PRIM2: variants seen among roughly 807,000 people sequenced by gnomAD.
PRIM2 encodes DNA primase large subunit.
In PRIM2, 39 loss-of-function variants were observed where a neutral mutation model predicts 67.3. The observed-to-expected ratio is 0.58, with a 90% CI of 0.45 to 0.76. The LOEUF (loss-of-function observed/expected upper bound fraction) is 0.76. Among genes scored for constraint, PRIM2 ranks in the 30% least tolerant of loss-of-function variants. The pLI, the probability that PRIM2 is intolerant of heterozygous loss-of-function variation, is 0.00. For missense variants in PRIM2, 398 were observed against 598.7 expected, an observed-to-expected ratio of 0.66 and a Z score of 3.50; for synonymous variants, 143 against 198.7, an observed-to-expected ratio of 0.72 and a Z score of 2.36.
intron 7 of PRIM2, among the ~76,000 whole-genome samples, chr6:57,491,900 C>T (rs1773901053): frequency 6.6e-6 from 1 of 152,138 alleles, no homozygotes; most frequent in East Asian, 1.9e-4. Flanking sequence ...GATGCCAATT[C>T]CTGGCAGCTC....
intron 5 of PRIM2, among the ~76,000 whole-genome samples, chr6:57,331,608 T>G (rs1304211849): frequency 1.3e-5 from 2 of 152,112 alleles, no homozygotes; most frequent in Non-Finnish European, 2.9e-5. Context: ...TTATATTACT[T>G]TTTGAGTCAG....
chr6:57,482,158 ATTTT>A (rs1178449432), intron 7 of PRIM2, among the ~76,000 whole-genome samples: 1 of 145,840 alleles, frequency 6.9e-6, no homozygotes. Context: ...AATAATTTGG[ATTTT>A]TTTTTTTTTT....
the PRIM2 span, among the ~76,000 whole-genome samples, chr6:57,280,757 T>C: frequency 1.4e-4 from 21 of 152,208 alleles, no homozygotes; most frequent in Admixed American, 6.5e-4. Flanking sequence ...TCTGCCTGCC[T>C]CGGCCTCCCA....
At chr6:57,492,359 A>G (rs1436178731) in intron 7 of PRIM2, among the ~76,000 whole-genome samples, 1 of 152,070 alleles carries the variant, frequency 6.6e-6, no homozygotes, top group Non-Finnish European at 1.5e-5. Context: ...CCTGGCCAAC[A>G]TGGTGAAACC....
chr6:57,440,969 T>C (rs992089654), intron 7 of PRIM2, among the ~76,000 whole-genome samples: 1 of 152,166 alleles, frequency 6.6e-6, no homozygotes, highest in Non-Finnish European at 1.5e-5. Context: ...GATCCTCTCA[T>C]TGAACCATCA....
At chr6:57,555,104 AAT>A (rs1775484924) in intron 10 of PRIM2, among the ~76,000 whole-genome samples, 1 of 152,242 alleles carries the variant, frequency 6.6e-6, no homozygotes, top group Non-Finnish European at 1.5e-5. Context: ...ACTAAAAAAT[AAT>A]GTTATTTCTC....
At chr6:57,550,786 G>A (rs1346054257) in intron 10 of PRIM2, among the ~76,000 whole-genome samples, 8 of 152,142 alleles carry the variant, frequency 5.3e-5, no homozygotes, top group Non-Finnish European at 1.0e-4. Flanking sequence ...AATAAAATAT[G>A]TATCTTCTTA....
At chr6:57,507,099 C>CT (rs1224470892) in intron 7 of PRIM2, among the ~76,000 whole-genome samples, 1 of 151,918 alleles carries the variant, frequency 6.6e-6, no homozygotes, top group East Asian at 1.9e-4. Flanking sequence ...TAAGTGAATG[C>CT]TTTTTCATGA....
intron 5 of PRIM2, among the ~76,000 whole-genome samples, chr6:57,329,751 A>T (rs895006958): frequency 1.3e-5 from 2 of 152,138 alleles, no homozygotes; most frequent in African/African-American, 4.8e-5. Context: ...TTTCCTTTAT[A>T]AATTACCCAG....
At chr6:57,511,931 G>C (rs1217086721) in intron 8 of PRIM2, among the ~76,000 whole-genome samples, 1 of 152,214 alleles carries the variant, frequency 6.6e-6, no homozygotes, top group African/African-American at 2.4e-5. Context: ...CACTGTGCAG[G>C]TCTTGGTTAA....
intron 2 of PRIM2, among the ~76,000 whole-genome samples, chr6:57,319,796 T>C (rs1447394550): frequency 6.6e-6 from 1 of 151,744 alleles, no homozygotes; most frequent in Non-Finnish European, 1.5e-5. Flanking sequence ...GGACGAAGAG[T>C]AGGAATGAGG....
At chr6:57,629,856 A>T (rs1168130217) in intron 12 of PRIM2, among the ~76,000 whole-genome samples, 3 of 152,072 alleles carry the variant, frequency 2.0e-5, no homozygotes, top group East Asian at 3.8e-4. Context: ...TATCTCTGTA[A>T]TATAGATCAT....
chr6:57,233,464 G>A, the PRIM2 span, among the ~76,000 whole-genome samples: 1 of 152,086 alleles, frequency 6.6e-6, no homozygotes, highest in Non-Finnish European at 1.5e-5. Flanking sequence ...ACTTGCACTG[G>A]TAAAACTTCA....
the PRIM2 span, among the ~76,000 whole-genome samples, chr6:57,227,800 T>A: frequency 6.6e-6 from 1 of 152,202 alleles, no homozygotes; most frequent in African/African-American, 2.4e-5. Context: ...TCCAATTCTC[T>A]TAATGGGCAG....
chr6:57,230,722 A>G, the PRIM2 span, among the ~76,000 whole-genome samples: 15 of 152,338 alleles, frequency 9.8e-5, no homozygotes, highest in African/African-American at 3.4e-4. Context: ...TGGAAAACTT[A>G]GGCAAAGACC....
the PRIM2 span, among the ~76,000 whole-genome samples, chr6:57,280,718 C>T: frequency 4.6e-5 from 7 of 152,062 alleles, no homozygotes; most frequent in South Asian, 2.1e-4. Flanking sequence ...CCATATTGGT[C>T]GGCTGGTCTC....
intron 12 of PRIM2, among the ~76,000 whole-genome samples, chr6:57,624,925 C>G (rs1217514963): frequency 6.6e-6 from 1 of 152,114 alleles, no homozygotes; most frequent in Admixed American, 6.6e-5. Context: ...GTGAGAGGCA[C>G]GTCTTACATA....
At chr6:57,327,405 CAT>C (rs1280596276) in intron 5 of PRIM2, among the ~76,000 whole-genome samples, 1 of 152,172 alleles carries the variant, frequency 6.6e-6, no homozygotes, top group African/African-American at 2.4e-5. Context: ...AAGTAGAAGA[CAT>C]ATCCACTGTA....
the PRIM2 span, among the ~76,000 whole-genome samples, chr6:57,277,914 G>T: frequency 4.5e-4 from 68 of 152,088 alleles, no homozygotes; most frequent in African/African-American, 1.6e-3. Context: ...AACCCGGGAG[G>T]TGGAGCTTGC....
Sources: gnomAD v4.1 joint callset for allele counts (sites outside exome capture counted in the v4.1 genomes callset) on GRCh38, gnomAD v4.1.1 for gene constraint, MANE v1.5 for transcripts, NCBI Gene and HGNC (gene_info 2026-07-23, HGNC 2026-07-21) for gene names.